The following PPM1B variants were observed in gnomAD, a reference collection of about 807,000 sequenced individuals.
PPM1B encodes the protein protein phosphatase 1B.
PPM1B carries 22 observed loss-of-function variants against 43.0 expected under a neutral mutation model. The ratio of observed to expected loss-of-function variants is 0.51; its 90% CI spans 0.37 to 0.73. The LOEUF (loss-of-function observed/expected upper bound fraction) is 0.73. PPM1B is among the 30% of genes least tolerant of loss of function. The probability of loss-of-function intolerance (pLI) is 0.00; values close to 1 mark genes in which losing one functional copy is unlikely to be tolerated. For missense variants in PPM1B, 632 were observed against 584.2 expected (o/e 1.08, Z -0.84); for synonymous variants, 217 against 197.9 (o/e 1.10, Z -0.81).
intron 1 of PPM1B, among the ~76,000 whole-genome samples, chr2:44,183,798 G>C (rs1270381828): frequency 6.6e-6 from 1 of 152,064 alleles, no homozygotes; most frequent in Non-Finnish European, 1.5e-5. Flanking sequence ...GAGTGCAGTG[G>C]CGCGATCTCG....
intron 1 of PPM1B, among the ~76,000 whole-genome samples, chr2:44,177,996 C>G (rs1667669868): frequency 6.6e-6 from 1 of 150,612 alleles, no homozygotes; most frequent in South Asian, 2.1e-4. Context: ...TGGCTCACTG[C>G]AGCCTTGCCC....
Position 44,244,160 on chromosome 2 carries a change from C to A in PPM1B, n.1547-68C>A, listed in dbSNP as rs1451766688. ...ACAACTAGTTTTATTTACTTACCAA[C>A]CCCAATCCTGCAAGAAAAAAAAAAA... is the stretch of plus-strand genomic sequence containing the variant. On this transcript the variant is annotated intron_variant and non_coding_transcript_variant, in intron 5 of 5. Coordinates refer to the PPM1B transcript ENST00000378540. The A allele has an allele frequency of 3.6e-6, 3 of 836,546 alleles. No homozygotes were observed. In the East Asian group the frequency reaches 2.8e-4, roughly 77 times the overall value. 51.8% of individuals were successfully genotyped at this position (836,546 alleles called of 1,614,324 possible).
chr2:44,237,953 T>G (rs1670664590), downstream of PPM1B, among the ~76,000 whole-genome samples: 1 of 152,158 alleles, frequency 6.6e-6, no homozygotes, highest in Non-Finnish European at 1.5e-5. Flanking sequence ...CAGGCTGGAG[T>G]GCAATGGCAC....
chr2:44,240,781 C>G (rs1387959196), intron 5 of PPM1B, among the ~76,000 whole-genome samples: 1 of 144,356 alleles, frequency 6.9e-6, no homozygotes, highest in Admixed American at 6.9e-5. Flanking sequence ...TGGGGTGGCT[C>G]AGTAAAATGG....
chr2:44,244,742 C>G, downstream of PPM1B, among the ~76,000 whole-genome samples: 1 of 149,924 alleles, frequency 6.7e-6, no homozygotes, highest in Non-Finnish European at 1.5e-5. Context: ...ATCTGAATAA[C>G]TCTTATATAT....
rs57257505 is a variant in PPM1B, at chr2:44,178,474, A to ATTTT, written c.-15+9208_-15+9211dup. 1.0e-2 allele frequency among the ~76,000 whole-genome samples: 1,352 copies of ATTTT among 135,294 alleles called. 38 individuals are homozygous for ATTTT. In the East Asian group the frequency reaches 0.11, roughly 11 times the overall value. 88.8% of individuals were successfully genotyped at this position (135,294 alleles called of 152,430 possible). A position where few individuals can be genotyped will look rare whatever the true frequency, so the allele number is the denominator to read the frequency against. On this transcript the variant is annotated intron_variant, in intron 1 of 5. Coordinates refer to ENST00000282412, the MANE Select transcript of PPM1B (RefSeq NM_002706.6). ...TATGTATATATATATATATATATAT[A>ATTTT]TTTTTTTTTTTAGACAGAGTTTCGC...
chr2:44,233,531 T>C, downstream of PPM1B: 1 of 984,906 alleles, frequency 1.0e-6, no homozygotes, highest in South Asian at 4.7e-5. Context: ...GTAATGAATG[T>C]ATCCATTTGT....
rs921433839 is a variant in PPM1B at position 44,214,465 on chromosome 2, G to T, written c.965-3502G>T. 4.0e-5 allele frequency among the ~76,000 whole-genome samples: 6 copies of T among 151,792 alleles called. No individual in the cohort carries two copies. In the South Asian group the frequency reaches 6.3e-4, roughly 16 times the overall value. Reference sequence around the variant, plus strand: ...TAAGGCAGATATTTTTTCGGGGGTGGGGGGGGCATGGCAGTAGATATAGGG... The same window carrying T: ...TAAGGCAGATATTTTTTCGGGGGTGTGGGGGGCATGGCAGTAGATATAGGG... On this transcript the variant is annotated intron_variant, in intron 3 of 5. Transcript: ENST00000282412.
At chr2:44,225,612 G>A (rs974416812) in intron 5 of PPM1B, among the ~76,000 whole-genome samples, 3 of 152,108 alleles carry the variant, frequency 2.0e-5, no homozygotes, top group Admixed American at 6.6e-5. Context: ...TTGCAAATCC[G>A]TGTCTACTTG....
chr2:44,208,318 G>C (rs1669290512), intron 2 of PPM1B, among the ~76,000 whole-genome samples: 1 of 152,192 alleles, frequency 6.6e-6, no homozygotes, highest in Non-Finnish European at 1.5e-5. Flanking sequence ...ATAGCAATCT[G>C]ATGTCTTTTC....
chr2:44,173,120 A>G (rs527497855), intron 1 of PPM1B, among the ~76,000 whole-genome samples: 1 of 152,358 alleles, frequency 6.6e-6, no homozygotes, highest in East Asian at 1.9e-4. Context: ...GGCCTGGCCA[A>G]CGTGGTAAAA....
chr2:44,201,299 G>A lies in PPM1B; in HGVS notation c.100G>A (p.Val34Met), dbSNP rs1239316485. The change falls in exon 2 of 6, where the codon GTG becomes ATG. Residue 34 changes from valine (V) to methionine (M), a missense_variant. By Grantham distance (21) the Val-to-Met change is conservative. Coordinates refer to ENST00000282412, the MANE Select transcript of PPM1B (RefSeq NM_002706.6). The surrounding 1 kb of genome is among the most constrained non-coding windows in gnomAD (Gnocchi z 5.4). ...YGLSSMQGWR[V>M]EMEDAHTAVV... ...CCTGAGCAGCATGCAAGGATGGAGA[G>A]TGGAAATGGAAGATGCACACACAGC... 1.9e-6 allele frequency: 3 copies of A among 1,614,192 alleles called. No individual in the cohort carries two copies. Among genetic ancestry groups the A allele is most frequent in the East Asian group, 2.2e-5 (1 of 44,894 alleles).
chr2:44,244,297 C>T, exon 6 of PPM1B: 1 of 1,360,182 alleles, frequency 7.4e-7, no homozygotes, highest in Non-Finnish European at 9.8e-7. Flanking sequence ...CAGTGGCTGG[C>T]AGACCTTCCA....
intron 1 of PPM1B, among the ~76,000 whole-genome samples, chr2:44,185,679 C>A (rs1270478306): frequency 3.9e-5 from 6 of 152,146 alleles, no homozygotes; most frequent in Admixed American, 3.9e-4. Flanking sequence ...TTTTCATAAT[C>A]TTGCTCTAAT....
chr2:44,243,293 T>C (rs959175208), intron 5 of PPM1B, among the ~76,000 whole-genome samples: 16 of 152,220 alleles, frequency 1.1e-4, no homozygotes, highest in Non-Finnish European at 2.2e-4. Context: ...GGATTTATTT[T>C]GTTTTATTTT....
Position 44,209,341 on chromosome 2 carries a change from T to C in PPM1B, c.964+14T>C. 6.2e-7 allele frequency: 1 copy of C among 1,613,402 alleles called. No individual in the cohort carries two copies. Among genetic ancestry groups the C allele is most frequent in the Non-Finnish European group, 8.5e-7 (1 of 1,179,658 alleles). ...CACGGGTTGAAGGTAAGACAAATGC[T>C]TTTTAAAAATATAGACAGGCCAGGC... On this transcript the variant is annotated intron_variant, in intron 3 of 5. Transcript: ENST00000282412.
rs746431459 is a variant in PPM1B at position 44,230,646 on chromosome 2, A to T, written c.1368A>T (p.Ser456=). ...CAATGCAGGAAAGCCATACTGAATC[A>T]GAAAGTGGTCTTGCTGAATTAGACA... The part of the protein sequence containing the change: ...PVTMQESHTE[S]ESGLAELDSS... Residue 456 remains serine, a synonymous_variant, in exon 6 of 6, where the codon TCA becomes TCT. Coordinates refer to ENST00000282412, the MANE Select transcript of PPM1B (RefSeq NM_002706.6). The T allele has an allele frequency of 2.9e-5, 47 of 1,614,100 alleles. No homozygotes were observed. Among genetic ancestry groups the T allele is most frequent in the Non-Finnish European group, 4.0e-5 (47 of 1,180,028 alleles).
chr2:44,216,464 G>A (rs1021585082), intron 3 of PPM1B, among the ~76,000 whole-genome samples: 11 of 152,214 alleles, frequency 7.2e-5, no homozygotes, highest in African/African-American at 2.7e-4. Context: ...CTGCTTTCAT[G>A]AAGCTTGCAG....
chr2:44,230,842 A>T lies in PPM1B; in HGVS notation c.*124A>T, dbSNP rs1396904254. 3 of 1,443,772 alleles carry T rather than the reference A, an allele frequency of 2.1e-6. No individual in the cohort carries two copies. The African/African-American group carries it at 4.3e-5, about 21-fold the overall frequency. The allele number at this position is 1,443,772 out of a possible 1,614,324, so 89.4% of individuals were successfully genotyped here. On this transcript the variant is annotated 3_prime_UTR_variant, in exon 6 of 6. Transcript: ENST00000282412. ...AAAACTAGTTTTATTATATTCAGAT[A>T]GCCTTGTTTTTTAAAAAGGCCTTTG...
Sources: allele counts gnomAD v4.1 joint callset (sites outside exome capture counted in the v4.1 genomes callset), GRCh38; gene constraint gnomAD v4.1.1; non-coding constraint Gnocchi (gnomAD v3.1); transcripts MANE v1.5; gene names NCBI Gene and HGNC (gene_info 2026-07-23, HGNC 2026-07-21).